TTC27: variants seen among roughly 807,000 people sequenced by gnomAD.
The protein encoded by TTC27 is tetratricopeptide repeat protein 27.
Under a neutral mutation model 115.9 loss-of-function variants are expected in TTC27, and 79 were observed. The ratio of observed to expected loss-of-function variants is 0.68; its 90% CI spans 0.57 to 0.82. TTC27 has a LOEUF of 0.82. Among genes scored for constraint, TTC27 ranks in the 40% least tolerant of loss-of-function variants. The pLI is 0.00. For missense variants in TTC27, 1,054 were observed against 993.1 expected, an observed-to-expected ratio of 1.06 and a Z score of -0.82; for synonymous variants, 401 against 356.0, an observed-to-expected ratio of 1.13 and a Z score of -1.42.
In TTC27 at chr2:32,630,631, T is replaced by C; in HGVS notation, c.197T>C (p.Ile66Thr). Residue 66 changes from isoleucine (I) to threonine (T), a missense_variant, in exon 2 of 20, where the codon ATT (isoleucine) becomes ACT (threonine). Coordinates refer to ENST00000317907, the MANE Select transcript of TTC27 (RefSeq NM_017735.5). ...FNSTTTAEEK[I>T]DSYLEKQVVT... ...TCAACAACAACCGCTGAAGAAAAGATTGATAGCTACCTGGAGAAGCAGGTA... is the reference window on the plus strand; with the variant it reads ...TCAACAACAACCGCTGAAGAAAAGACTGATAGCTACCTGGAGAAGCAGGTA... 8 of 1,613,978 alleles carry C rather than the reference T, an allele frequency of 5.0e-6. No individual in the cohort carries two copies. Among genetic ancestry groups the C allele is most frequent in the Non-Finnish European group, 6.8e-6 (8 of 1,179,946 alleles).
At position 32,635,091 on chromosome 2, in the gene TTC27, A is replaced by G. The variant is rs561660989; in HGVS notation, c.396+1086A>G. On this transcript the variant is annotated intron_variant, in intron 3 of 19. Coordinates refer to ENST00000317907, the MANE Select transcript of TTC27 (RefSeq NM_017735.5). Reference sequence around the variant, plus strand: ...TTCATGGTGATTATTATCCATTGTGAAGATAATATTATCGATCTGTGCCAG... The same window carrying G: ...TTCATGGTGATTATTATCCATTGTGGAGATAATATTATCGATCTGTGCCAG... Among the ~76,000 whole-genome samples, 6 of 152,296 alleles carry G rather than the reference A, an allele frequency of 3.9e-5. No individual in the cohort carries two copies. In the South Asian group the frequency reaches 1.0e-3, roughly 26 times the overall value.
intron 13 of TTC27, among the ~76,000 whole-genome samples, chr2:32,763,605 A>G (rs566878294): frequency 6.6e-6 from 1 of 152,250 alleles, no homozygotes; most frequent in Non-Finnish European, 1.5e-5. Context: ...AAGAACTTCT[A>G]TAAATTGAGT....
At chr2:32,724,173 A>T (rs940027982) in intron 10 of TTC27, among the ~76,000 whole-genome samples, 17 of 151,966 alleles carry the variant, frequency 1.1e-4, no homozygotes, top group Admixed American at 2.6e-4. Context: ...AGAAAATTGG[A>T]GGTAGATGGG....
At chr2:32,644,989 C>T (rs924300668) in intron 4 of TTC27, among the ~76,000 whole-genome samples, 10 of 150,758 alleles carry the variant, frequency 6.6e-5, no homozygotes, top group African/African-American at 1.5e-4. Flanking sequence ...ACTATAGGCA[C>T]CTGGCTTATA....
intron 5 of TTC27, among the ~76,000 whole-genome samples, chr2:32,652,897 A>G (rs767854120): frequency 3.2e-4 from 49 of 152,122 alleles, no homozygotes; most frequent in Non-Finnish European, 4.4e-5. Context: ...ATGAACAACT[A>G]TGATATTTAG....
chr2:32,635,859 A>G (rs369683907), intron 3 of TTC27, among the ~76,000 whole-genome samples: 3 of 152,296 alleles, frequency 2.0e-5, no homozygotes, highest in East Asian at 1.9e-4. Context: ...GTCACTATAT[A>G]TACTTCATTA....
At chr2:32,783,265 C>T (rs2148018098) in intron 15 of TTC27, among the ~76,000 whole-genome samples, 1 of 152,208 alleles carries the variant, frequency 6.6e-6, no homozygotes, top group African/African-American at 2.4e-5. Flanking sequence ...AGAGAGAAAT[C>T]ATGTCATCCT....
At chr2:32,646,035 A>T (rs1279772987) in intron 4 of TTC27, among the ~76,000 whole-genome samples, 1 of 113,938 alleles carries the variant, frequency 8.8e-6, no homozygotes, top group Non-Finnish European at 1.9e-5. Context: ...TTCAATTTTA[A>T]TTTTTTTTTT....
At chr2:32,785,861 T>C (rs1207735823) in intron 15 of TTC27, among the ~76,000 whole-genome samples, 1 of 152,208 alleles carries the variant, frequency 6.6e-6, no homozygotes, top group East Asian at 1.9e-4. Context: ...CCCAAAGTGC[T>C]GGGATTAGAG....
intron 5 of TTC27, among the ~76,000 whole-genome samples, 169 bp from the exon 6 acceptor site, chr2:32,664,134 T>A (rs577936917): frequency 6.6e-6 from 1 of 152,320 alleles, no homozygotes; most frequent in South Asian, 2.1e-4. Context: ...GCTCAGATAA[T>A]GCTGGCTGGT....
chr2:32,692,037 T>TG (rs1666834642), intron 9 of TTC27, among the ~76,000 whole-genome samples: 1 of 21,272 alleles, frequency 4.7e-5, no homozygotes, highest in Non-Finnish European at 8.1e-5. Context: ...ATTTTTTAGG[T>TG]TTTTTTTTTT....
chr2:32,666,657 G>C lies in TTC27; in HGVS notation c.828G>C (p.Arg276=), dbSNP rs762518790. Residue 276 remains arginine, a synonymous_variant, in exon 7 of 20, where the codon CGG becomes CGC. Coordinates refer to ENST00000317907, the MANE Select transcript of TTC27 (RefSeq NM_017735.5). ...CAGGTGCTTTGGGAAAAAGAACACG[G>C]TTCCAGGAAAATTATGTGGCACAAC... is the stretch of plus-strand genomic sequence containing the variant. ...DLTGALGKRT[R]FQENYVAQLI... 31 of 1,613,644 alleles carry C rather than the reference G, an allele frequency of 1.9e-5. 1 individual carries two copies. In the South Asian group the frequency reaches 3.3e-4, roughly 17 times the overall value.
intron 9 of TTC27, among the ~76,000 whole-genome samples, chr2:32,697,655 A>G (rs1487854978): frequency 6.6e-6 from 1 of 152,214 alleles, no homozygotes; most frequent in Non-Finnish European, 1.5e-5. Flanking sequence ...CTCTTTATGG[A>G]TAAGACATCT....
In TTC27 at chr2:32,669,287, C is replaced by T. The variant is rs568213395; in HGVS notation, c.939+2519C>T. ...GGATTATAGGCATGAGCCACTGCAC[C>T]GGCCAGAATTTAATCTTTTGTATGT... On this transcript the variant is annotated intron_variant, in intron 7 of 19. Transcript: ENST00000317907. Among the ~76,000 whole-genome samples, 64 of 152,164 alleles carry T rather than the reference C, an allele frequency of 4.2e-4. No homozygotes were observed. In the Middle Eastern group the frequency reaches 0.01, roughly 24 times the overall value.
intron 10 of TTC27, among the ~76,000 whole-genome samples, chr2:32,725,271 G>T (rs1668069673): frequency 6.6e-6 from 1 of 152,072 alleles, no homozygotes. Context: ...TAACTCAAAA[G>T]TCCACATTCC....
intron 10 of TTC27, among the ~76,000 whole-genome samples, chr2:32,711,560 G>C (rs370931801): frequency 6.6e-5 from 10 of 152,196 alleles, no homozygotes; most frequent in Admixed American, 6.5e-5. Flanking sequence ...TATTAAGACA[G>C]TGTTGTGTTT....
chr2:32,633,765 A>G (rs528359013), intron 2 of TTC27, 111 bp from the exon 3 acceptor site: 6 of 1,292,126 alleles, frequency 4.6e-6, no homozygotes, highest in Admixed American at 2.4e-5. Flanking sequence ...GATAGTCTCA[A>G]TAAATGTTGA....
At chr2:32,752,017 T>G (rs193199829) in intron 12 of TTC27, among the ~76,000 whole-genome samples, 5 of 152,334 alleles carry the variant, frequency 3.3e-5, no homozygotes, top group Admixed American at 1.3e-4. Flanking sequence ...CTACTTAAGA[T>G]CCATGCTAGT....
At chr2:32,791,924 TTTTAAC>T (rs1670551560) in intron 16 of TTC27, among the ~76,000 whole-genome samples, 1 of 152,132 alleles carries the variant, frequency 6.6e-6, no homozygotes, top group South Asian at 2.1e-4. Context: ...TTGCAGATAA[TTTTAAC>T]TACATGTATT....
Sources: allele counts gnomAD v4.1 joint callset (sites outside exome capture counted in the v4.1 genomes callset), GRCh38; gene constraint gnomAD v4.1.1; transcripts MANE v1.5; gene names NCBI Gene and HGNC (gene_info 2026-07-23, HGNC 2026-07-21).